CYP3A43: variants seen among roughly 807,000 people sequenced by gnomAD.
The protein encoded by CYP3A43 is cytochrome P450 family 3 subfamily A member 43.
In CYP3A43, 45 loss-of-function variants were observed where a neutral mutation model predicts 58.0. The observed-to-expected ratio is 0.78, with a 90% CI of 0.61 to 0.99. The LOEUF (loss-of-function observed/expected upper bound fraction) is 0.99. Ranked by LOEUF, CYP3A43 falls within the 50% of genes least tolerant of loss-of-function variation. The pLI is 0.00. For missense variants in CYP3A43, 593 were observed against 591.9 expected, an observed-to-expected ratio of 1.00 and a Z score of -0.02; for synonymous variants, 191 against 201.4, an observed-to-expected ratio of 0.95 and a Z score of 0.44.
intron 1 of CYP3A43, among the ~76,000 whole-genome samples, chr7:99,829,828 G>T (rs1196463724): frequency 6.6e-6 from 1 of 152,182 alleles, no homozygotes; most frequent in Non-Finnish European, 1.5e-5. Flanking sequence ...CTGTTTAACT[G>T]GATTGACATT....
chr7:99,847,307 T>C (rs1029746772), intron 4 of CYP3A43, among the ~76,000 whole-genome samples, 181 bp from the exon 5 acceptor site: 17 of 152,052 alleles, frequency 1.1e-4, no homozygotes, highest in Non-Finnish European at 1.8e-4. Flanking sequence ...CCCTTCCATA[T>C]GCTTACAGGA....
chr7:99,861,914 TG>T, intron 11 of CYP3A43, 75 bp downstream of exon 11: 1 of 1,293,938 alleles, frequency 7.7e-7, no homozygotes, highest in South Asian at 1.4e-5. Context: ...TCGATGCACA[TG>T]GCAATCATTT....
chr7:99,848,333 T>TG (rs1451914371), intron 6 of CYP3A43, 79 bp downstream of exon 6: 1 of 1,448,794 alleles, frequency 6.9e-7, no homozygotes, highest in Non-Finnish European at 9.6e-7. Context: ...TTCCCACTGT[T>TG]GGGTTACTCC....
intron 6 of CYP3A43, among the ~76,000 whole-genome samples, chr7:99,849,186 ATTATT>A (rs1303634225): frequency 6.6e-6 from 1 of 152,210 alleles, no homozygotes; most frequent in Non-Finnish European, 1.5e-5. Flanking sequence ...GAAAGAGTTA[ATTATT>A]TTATTCTTGT....
chr7:99,851,355 T>G (rs1181651932), intron 7 of CYP3A43, among the ~76,000 whole-genome samples: 1 of 152,196 alleles, frequency 6.6e-6, no homozygotes, highest in Non-Finnish European at 1.5e-5. Flanking sequence ...TAGTAGTAAT[T>G]CCATGTTTCA....
At chr7:99,858,795 C>A (rs914815729) in intron 9 of CYP3A43, among the ~76,000 whole-genome samples, 1 of 151,826 alleles carries the variant, frequency 6.6e-6, no homozygotes, top group Admixed American at 6.6e-5. Flanking sequence ...CAGGTTCAAG[C>A]AATTCTCCTG....
In CYP3A43 at chr7:99,833,056, G is replaced by A. The variant is rs549367312; in HGVS notation, c.72-3397G>A. 2.0e-5 allele frequency among the ~76,000 whole-genome samples: 3 copies of A among 152,240 alleles called. No individual in the cohort carries two copies. In the East Asian group the frequency reaches 5.8e-4, roughly 29 times the overall value. Reference sequence around the variant, plus strand: ...AACCTCTTAAGGGCACTCAAATTTGGGAACATTTATTAAGCATTCACTCTA... The same window carrying A: ...AACCTCTTAAGGGCACTCAAATTTGAGAACATTTATTAAGCATTCACTCTA... On this transcript the variant is annotated intron_variant, in intron 1 of 12. Coordinates refer to ENST00000354829, the MANE Select transcript of CYP3A43 (RefSeq NM_057095.3).
At chr7:99,844,007 G>T in intron 3 of CYP3A43, 136 bp from the exon 4 acceptor site, 1 of 634,412 alleles carries the variant, frequency 1.6e-6, no homozygotes, top group Non-Finnish European at 2.7e-6. Context: ...TGACCTTGGA[G>T]CTGGCTTTGC....
At position 99,847,357 on chromosome 7, in the gene CYP3A43, A is replaced by G. The variant is rs910351547; in HGVS notation, c.319-131A>G. Reference sequence around the variant, plus strand: ...GATAAATCTTTATTGAGCATCTAGTATAGAGCCTGCCACCCAGTAGATAGT... The same window carrying G: ...GATAAATCTTTATTGAGCATCTAGTGTAGAGCCTGCCACCCAGTAGATAGT... On this transcript the variant is annotated intron_variant, in intron 4 of 12. Transcript: ENST00000354829. The G allele has an allele frequency of 2.1e-5, 18 of 851,794 alleles. No homozygotes were observed. The South Asian group carries it at 3.0e-4, about 14-fold the overall frequency. 52.8% of individuals were successfully genotyped at this position (851,794 alleles called of 1,614,324 possible). A position where few individuals can be genotyped will look rare whatever the true frequency, so the allele number is the denominator to read the frequency against.
At chr7:99,849,976 T>A (rs1400556810) in intron 7 of CYP3A43, 3 of 462,016 alleles carry the variant, frequency 6.5e-6, no homozygotes, top group East Asian at 6.0e-5. Context: ...TTTTTTTTTT[T>A]AGACAGAGTC....
intron 1 of CYP3A43, among the ~76,000 whole-genome samples, chr7:99,834,368 T>G (rs1482948037): frequency 6.6e-6 from 1 of 152,198 alleles, no homozygotes; most frequent in African/African-American, 2.4e-5. Flanking sequence ...TGTCCACATC[T>G]TTTTTGATAT....
intron 1 of CYP3A43, 49 bp from the exon 2 acceptor site, chr7:99,836,404 T>A (rs1299392400): frequency 6.7e-7 from 1 of 1,496,530 alleles, no homozygotes; most frequent in Non-Finnish European, 9.3e-7. Flanking sequence ...CAACCCCTTA[T>A]CTATAAAGTT....
chr7:99,835,963 A>G lies in CYP3A43; in HGVS notation c.72-490A>G, dbSNP rs113122911. 1.3e-3 allele frequency among the ~76,000 whole-genome samples: 203 copies of G among 152,358 alleles called. 1 individual carries two copies. Among genetic ancestry groups the G allele is most frequent in the African/African-American group, 4.5e-3 (186 of 41,588 alleles). ...AAATTGTATCCACATTTACTTATCC[A>G]GAGATGGTACTCTTAGCTTCGGCTG... is the stretch of plus-strand genomic sequence containing the variant. On this transcript the variant is annotated intron_variant, in intron 1 of 12. Transcript: ENST00000354829.
chr7:99,851,003 C>T (rs1167120441), intron 7 of CYP3A43, among the ~76,000 whole-genome samples: 1 of 152,082 alleles, frequency 6.6e-6, no homozygotes, highest in Non-Finnish European at 1.5e-5. Context: ...CCTGTCTCTA[C>T]TAAAAATACA....
At chr7:99,847,774 G>A in intron 5 of CYP3A43, 173 bp downstream of exon 5, 1 of 964,688 alleles carries the variant, frequency 1.0e-6, no homozygotes, top group Admixed American at 2.0e-5. Flanking sequence ...CACTTTGGGA[G>A]GCCGAGGTGG....
At chr7:99,856,977 T>C in intron 9 of CYP3A43, 78 bp downstream of exon 9, 4 of 1,494,680 alleles carry the variant, frequency 2.7e-6, no homozygotes, top group Non-Finnish European at 2.7e-6. Flanking sequence ...GTGCAGAAAG[T>C]TTTCCAGGAA....
chr7:99,846,805 T>C (rs1239044592), intron 4 of CYP3A43, among the ~76,000 whole-genome samples: 1 of 152,230 alleles, frequency 6.6e-6, no homozygotes. Context: ...TAAATAAGCA[T>C]TGAAATTATC....
In CYP3A43 at chr7:99,849,708, T is replaced by C. The variant is rs1385215972; in HGVS notation, c.670+14T>C. ...TACTCTTAATATGTATGTGGACTTT[T>C]ATGTTATTTCTCTCTCTCTCTCTCT... On this transcript the variant is annotated intron_variant, in intron 7 of 12. Transcript: ENST00000354829. The C allele has an allele frequency of 3.9e-6, 6 of 1,556,032 alleles. No individual in the cohort carries two copies. The highest frequency in any genetic ancestry group is 3.6e-5 in the South Asian group (3 of 82,238).
intron 1 of CYP3A43, among the ~76,000 whole-genome samples, chr7:99,832,714 A>G (rs1816898246): frequency 6.6e-6 from 1 of 151,956 alleles, no homozygotes; most frequent in Non-Finnish European, 1.5e-5. Context: ...AAAACAAAAC[A>G]ACAAAACAAG....
Sources: allele counts gnomAD v4.1 joint callset (sites outside exome capture counted in the v4.1 genomes callset), GRCh38; gene constraint gnomAD v4.1.1; transcripts MANE v1.5; gene names NCBI Gene and HGNC (gene_info 2026-07-23, HGNC 2026-07-21).